The following ZC3HAV1 variants were observed in gnomAD, a reference collection of about 807,000 sequenced individuals.
The protein encoded by ZC3HAV1 is zinc finger CCCH-type containing, antiviral 1, also known as zinc finger CCCH-type antiviral protein 1.
Under a neutral mutation model 86.6 loss-of-function variants are expected in ZC3HAV1, and 41 were observed. That is an observed-to-expected ratio of 0.47 (90% confidence interval 0.37 to 0.61). The LOEUF (loss-of-function observed/expected upper bound fraction) is 0.61. Ranked by LOEUF, ZC3HAV1 falls within the 20% of genes least tolerant of loss-of-function variation. The pLI is 0.00. For missense variants in ZC3HAV1, 964 were observed against 1,141.1 expected (o/e 0.84, Z 2.24); for synonymous variants, 421 against 432.1 (o/e 0.97, Z 0.32).
chr7:139,078,760 C>T, intron 4 of ZC3HAV1, 107 bp from the exon 5 acceptor site: 1 of 872,530 alleles, frequency 1.1e-6, no homozygotes, highest in Non-Finnish European at 1.7e-6. Context: ...GGGCCATGTT[C>T]AAGAAAATTC....
At chr7:139,055,432 A>G in intron 9 of ZC3HAV1, 137 bp from the exon 10 acceptor site, 1 of 601,432 alleles carries the variant, frequency 1.7e-6, no homozygotes. Context: ...TCTCTGGACT[A>G]CATCCTCACA....
rs753577116 is a variant in ZC3HAV1 at position 139,083,758 on chromosome 7, T to C, written c.697+22A>G. The C allele has an allele frequency of 6.5e-6, 10 of 1,547,684 alleles. No homozygotes were observed. The South Asian group carries it at 7.2e-5, about 11-fold the overall frequency. ...AAAAAAAAAAAAAGAGTTCACACAA[T>C]TGAAAAAGAAAAGGCCTTTACCTCT... On this transcript the variant is annotated intron_variant, in intron 3 of 12. Transcript: ENST00000242351.
At chr7:139,091,685 C>T (rs1280492232) in intron 1 of ZC3HAV1, among the ~76,000 whole-genome samples, 1 of 152,048 alleles carries the variant, frequency 6.6e-6, no homozygotes, top group Non-Finnish European at 1.5e-5. Context: ...GGCACAATCA[C>T]GGCTCACTAC....
At chr7:139,048,416 G>A (rs1816024592) in intron 12 of ZC3HAV1, among the ~76,000 whole-genome samples, 1 of 151,994 alleles carries the variant, frequency 6.6e-6, no homozygotes, top group South Asian at 2.1e-4. Flanking sequence ...GACCAGCCTG[G>A]GCAACATGGG....
chr7:139,090,647 A>G (rs979758510), intron 1 of ZC3HAV1, among the ~76,000 whole-genome samples: 9 of 152,278 alleles, frequency 5.9e-5, no homozygotes, highest in South Asian at 4.1e-4. Context: ...CGGTTGCACT[A>G]TTATTTTTTG....
At chr7:139,068,486 G>T (rs1372440547) in intron 7 of ZC3HAV1, among the ~76,000 whole-genome samples, 3 of 152,196 alleles carry the variant, frequency 2.0e-5, no homozygotes, top group Admixed American at 6.5e-5. Context: ...TGCCAGAGTG[G>T]CATATTTTTA....
intron 9 of ZC3HAV1, among the ~76,000 whole-genome samples, chr7:139,058,705 G>A (rs1398718207): frequency 5.9e-5 from 9 of 152,158 alleles, no homozygotes; most frequent in Admixed American, 1.3e-4. Context: ...CTGTATTCAT[G>A]TGAATGACGG....
At chr7:139,099,042 G>C (rs1447206101) in intron 1 of ZC3HAV1, among the ~76,000 whole-genome samples, 1 of 152,008 alleles carries the variant, frequency 6.6e-6, no homozygotes, top group Non-Finnish European at 1.5e-5. Context: ...AGAAAATATT[G>C]TGTTATCACA....
chr7:139,045,950 G>A lies in ZC3HAV1; in HGVS notation c.*1644C>T, dbSNP rs1033493735. The A allele has an allele frequency of 1.5e-5, 2 of 129,546 alleles. No homozygotes were observed. Among genetic ancestry groups the A allele is most frequent in the African/African-American group, 6.0e-5 (2 of 33,104 alleles). 8.0% of individuals were successfully genotyped at this position (129,546 alleles called of 1,614,324 possible). On this transcript the variant is annotated 3_prime_UTR_variant, in exon 13 of 13. Transcript: ENST00000242351. ...TTTTTTTACCGGTGGAGCTGTTTAA[G>A]CCAAGGAGTTGTGGAGATCTCTGTG... is the stretch of plus-strand genomic sequence containing the variant.
chr7:139,078,010 G>A (rs923460718), intron 5 of ZC3HAV1, among the ~76,000 whole-genome samples: 2 of 152,100 alleles, frequency 1.3e-5, no homozygotes, highest in Non-Finnish European at 2.9e-5. Context: ...AGGCCGAGGC[G>A]GGTGGATCAC....
chr7:139,100,991 T>C (rs554817930), intron 1 of ZC3HAV1, among the ~76,000 whole-genome samples: 2,403 of 152,206 alleles, frequency 0.016, 58 homozygotes, highest in African/African-American at 0.054. Context: ...TGCAGGCGCG[T>C]GCCGCCACGC....
At chr7:139,084,092 C>T (rs1817209575) in intron 2 of ZC3HAV1, 60 bp from the exon 3 acceptor site, 1 of 1,583,188 alleles carries the variant, frequency 6.3e-7, no homozygotes, top group South Asian at 1.1e-5. Flanking sequence ...GCCAAACATT[C>T]ATTAAGGCAA....
intron 1 of ZC3HAV1, among the ~76,000 whole-genome samples, chr7:139,095,461 A>G (rs962252348): frequency 2.6e-5 from 4 of 152,180 alleles, no homozygotes; most frequent in Admixed American, 6.5e-5. Flanking sequence ...CCACAACTGT[A>G]TTACCCAGAA....
rs1393419762 is a variant in ZC3HAV1, at chr7:139,108,544, G to T, written c.308+480C>A. 6.6e-6 allele frequency among the ~76,000 whole-genome samples: 1 copy of T among 152,162 alleles called. No individual in the cohort carries two copies. Among genetic ancestry groups the T allele is most frequent in the Non-Finnish European group, 1.5e-5 (1 of 68,026 alleles). ...GGACAAGCAGAGAGACCTGCGGCTCGCTCCGGCGGAGACGGACCGGGGGCC... is the reference window on the plus strand; with the variant it reads ...GGACAAGCAGAGAGACCTGCGGCTCTCTCCGGCGGAGACGGACCGGGGGCC... On this transcript the variant is annotated intron_variant, in intron 1 of 12. Coordinates refer to ENST00000242351, the MANE Select transcript of ZC3HAV1 (RefSeq NM_020119.4). The surrounding 1 kb of genome is among the most constrained non-coding windows in gnomAD (Gnocchi z 4.2).
chr7:139,072,901 T>C (rs1002643985), intron 7 of ZC3HAV1, among the ~76,000 whole-genome samples: 1 of 152,220 alleles, frequency 6.6e-6, no homozygotes, highest in African/African-American at 2.4e-5. Context: ...GTACATTTTA[T>C]GTGTTTATAC....
chr7:139,105,032 CAAAAAA>C (rs34053904), intron 1 of ZC3HAV1, among the ~76,000 whole-genome samples: 1 of 72,812 alleles, frequency 1.4e-5, no homozygotes, highest in African/African-American at 5.3e-5. Flanking sequence ...GACTCTGTCT[CAAAAAA>C]AAAAAAAAAA....
rs1357562120 is a variant in ZC3HAV1, at chr7:139,046,300, C to T, written c.*1294G>A. 1.3e-5 allele frequency: 2 copies of T among 152,176 alleles called. No homozygotes were observed. The highest frequency in any genetic ancestry group is 2.9e-5 in the Non-Finnish European group (2 of 68,038). 9.4% of individuals were successfully genotyped at this position (152,176 alleles called of 1,614,324 possible). A position where few individuals can be genotyped will look rare whatever the true frequency, so the allele number is the denominator to read the frequency against. On this transcript the variant is annotated 3_prime_UTR_variant, in exon 13 of 13. Transcript: ENST00000242351. ...GTGCTCACCAGGAAACAAATTTCAT[C>T]TCCGTAGGGGGCCCGTCCTTCAGTA...
intron 5 of ZC3HAV1, among the ~76,000 whole-genome samples, chr7:139,077,191 T>C (rs939582293): frequency 1.4e-4 from 21 of 152,212 alleles, no homozygotes; most frequent in African/African-American, 4.6e-4. Flanking sequence ...TAATTTTTTA[T>C]ATGTTTTTAC....
chr7:139,098,240 C>T (rs1342916832), intron 1 of ZC3HAV1, among the ~76,000 whole-genome samples: 1 of 152,074 alleles, frequency 6.6e-6, no homozygotes, highest in Non-Finnish European at 1.5e-5. Flanking sequence ...CGCCCGGCCT[C>T]CATACACTTT....
Sources: allele counts gnomAD v4.1 joint callset (sites outside exome capture counted in the v4.1 genomes callset), GRCh38; gene constraint gnomAD v4.1.1; non-coding constraint Gnocchi (gnomAD v3.1); transcripts MANE v1.5; gene names NCBI Gene and HGNC (gene_info 2026-07-23, HGNC 2026-07-21).